The following EML6 variants were observed in gnomAD, a reference collection of about 807,000 sequenced individuals.
EML6 encodes the protein EMAP like 6.
In EML6, 154 loss-of-function variants were observed where a neutral mutation model predicts 240.1. The ratio of observed to expected loss-of-function variants is 0.64; its 90% CI spans 0.56 to 0.73. The LOEUF is 0.73. Ranked by LOEUF, EML6 falls within the 30% of genes least tolerant of loss-of-function variation. EML6 has a pLI of 0.00. For missense variants in EML6, 2,964 were observed against 2,474.6 expected, an observed-to-expected ratio of 1.20 and a Z score of -4.20; for synonymous variants, 1,148 against 899.0, an observed-to-expected ratio of 1.28 and a Z score of -4.95.
chr2:54,890,031 C>G (rs1434153291), intron 17 of EML6, among the ~76,000 whole-genome samples: 1 of 152,204 alleles, frequency 6.6e-6, no homozygotes, highest in Non-Finnish European at 1.5e-5. Flanking sequence ...GTCTAAATGA[C>G]AAGTCTGAAG....
chr2:54,934,967 C>T (rs1225778064), intron 28 of EML6, among the ~76,000 whole-genome samples: 2 of 152,220 alleles, frequency 1.3e-5, no homozygotes, highest in Admixed American at 1.3e-4. Context: ...ACTCTGCCCT[C>T]ATTTTTGGTG....
intron 26 of EML6, among the ~76,000 whole-genome samples, chr2:54,927,451 C>A (rs1558694386): frequency 6.6e-6 from 1 of 152,182 alleles, no homozygotes; most frequent in Non-Finnish European, 1.5e-5. Context: ...TGCATGTGGC[C>A]TTCCATATTC....
chr2:54,868,961 A>G, intron 14 of EML6: 1 of 464,504 alleles, frequency 2.2e-6, no homozygotes, highest in East Asian at 3.1e-5. Flanking sequence ...ATCTGCTAAC[A>G]GATTCTGTTA....
At chr2:54,889,750 T>C (rs6722684) in intron 17 of EML6, among the ~76,000 whole-genome samples, 3,331 of 152,334 alleles carry the variant, frequency 0.022, 112 homozygotes, top group African/African-American at 0.072. Flanking sequence ...ATTCCAGCTC[T>C]TGTGCCTTTT....
At chr2:54,888,285 C>T (rs1672265245) in intron 17 of EML6, among the ~76,000 whole-genome samples, 1 of 152,106 alleles carries the variant, frequency 6.6e-6, no homozygotes, top group South Asian at 2.1e-4. Flanking sequence ...TAATTTGGTC[C>T]CTGTTCCTTG....
chr2:54,850,044 G>T lies in EML6; in HGVS notation c.1270G>T (p.Ala424Ser). 6.4e-7 allele frequency: 1 copy of T among 1,551,976 alleles called. No individual in the cohort carries two copies. The highest frequency in any genetic ancestry group is 2.0e-5 in the Admixed American group (1 of 51,008). ...MKFSPDGSYLAVGSNDGPVDV... is the reference protein window; with the variant it reads ...MKFSPDGSYLSVGSNDGPVDV... ...ATTTTCTCCAGATGGTTCTTACCTT[G>T]CAGTGGGATCCAATGATGGCCCAGT... The change falls in exon 10 of 42, where the codon GCA becomes TCA. Residue 424 changes from alanine (A) to serine (S), a missense_variant. Ala to Ser is a moderately conservative substitution (Grantham distance 99). Transcript: ENST00000356458.
chr2:54,911,145 C>T (rs2304687), intron 25 of EML6, 103 bp downstream of exon 25: 49,912 of 585,900 alleles, frequency 0.085, 3,324 homozygotes, highest in East Asian at 0.22. Context: ...GTTATATTTA[C>T]TATACCTTTA....
chr2:54,758,422 T>C (rs909967612), intron 2 of EML6, among the ~76,000 whole-genome samples: 1 of 152,224 alleles, frequency 6.6e-6, no homozygotes, highest in Non-Finnish European at 1.5e-5. Flanking sequence ...GTTTCTCTTA[T>C]TTCTGGACCT....
intron 19 of EML6, among the ~76,000 whole-genome samples, chr2:54,893,208 T>C (rs1672570131): frequency 6.6e-6 from 1 of 152,188 alleles, no homozygotes; most frequent in South Asian, 2.1e-4. Context: ...CCTTGCAGTG[T>C]CCCTCTACAA....
At position 54,896,714 on chromosome 2, in the gene EML6, G is replaced by C. The variant is rs138063640; in HGVS notation, c.2982+1314G>C. On this transcript the variant is annotated intron_variant, in intron 21 of 41. Coordinates refer to ENST00000356458, the MANE Select transcript of EML6 (RefSeq NM_001039753.4). Reference sequence around the variant, plus strand: ...GATCTCTGAGTGATTGATGCCTGCAGGCTTGCTGTATTACGAGTGAATCCC... The same window carrying C: ...GATCTCTGAGTGATTGATGCCTGCACGCTTGCTGTATTACGAGTGAATCCC... Among the ~76,000 whole-genome samples the C allele has an allele frequency of 5.9e-5, 9 of 152,306 alleles. No individual in the cohort carries two copies. The South Asian group carries it at 6.2e-4, about 11-fold the overall frequency.
intron 2 of EML6, among the ~76,000 whole-genome samples, chr2:54,802,155 G>A (rs954793055): frequency 2.0e-5 from 3 of 152,126 alleles, no homozygotes; most frequent in Admixed American, 6.5e-5. Context: ...CTGCCCTCCT[G>A]TAGCTAACAT....
In EML6 at chr2:54,948,934, A is replaced by C; in HGVS notation, c.4057A>C (p.Ile1353Leu). ...GCCTGAGAAACTGCAGAAGAACAAT[A>C]TCACCAAAAAAAAGAAACTGGTTGA... ...PQPEKLQKNN[I>L]TKKKKLVEEL... The change falls in exon 29 of 42, where the codon ATC becomes CTC. Residue 1353 changes from isoleucine (I) to leucine (L), a missense_variant. Coordinates refer to ENST00000356458, the MANE Select transcript of EML6 (RefSeq NM_001039753.4). 1.3e-6 allele frequency: 2 copies of C among 1,551,492 alleles called. No homozygotes were observed. Among genetic ancestry groups the C allele is most frequent in the Non-Finnish European group, 1.7e-6 (2 of 1,146,892 alleles).
intron 28 of EML6, among the ~76,000 whole-genome samples, chr2:54,931,548 T>G (rs945668586): frequency 6.6e-6 from 1 of 152,200 alleles, no homozygotes; most frequent in Non-Finnish European, 1.5e-5. Context: ...CAGCTCCTGA[T>G]ACTGTTTTCT....
At chr2:54,827,449 T>C (rs973999757) in intron 5 of EML6, 117 bp from the exon 6 acceptor site, 5 of 806,388 alleles carry the variant, frequency 6.2e-6, no homozygotes, top group South Asian at 1.8e-5. Flanking sequence ...AATTAACTTA[T>C]TTGTGCCTAG....
At chr2:54,758,132 G>A (rs1039901365) in intron 2 of EML6, among the ~76,000 whole-genome samples, 1 of 148,624 alleles carries the variant, frequency 6.7e-6, no homozygotes, top group Non-Finnish European at 1.5e-5. Context: ...TTCTTACCAT[G>A]TGATATCTAC....
chr2:54,969,934 G>A, intron 41 of EML6, 137 bp from the exon 42 acceptor site: 1 of 868,760 alleles, frequency 1.2e-6, no homozygotes, highest in South Asian at 1.5e-5. Context: ...CAAGATCCCT[G>A]GTTTACCTTT....
chr2:54,862,529 C>T (rs1236726658), intron 12 of EML6, among the ~76,000 whole-genome samples: 2 of 151,738 alleles, frequency 1.3e-5, no homozygotes, highest in African/African-American at 2.4e-5. Flanking sequence ...AGCTTAGAGA[C>T]TTAGGGTGGT....
chr2:54,734,220 C>A (rs1683293025), intron 2 of EML6, among the ~76,000 whole-genome samples: 1 of 152,172 alleles, frequency 6.6e-6, no homozygotes, highest in African/African-American at 2.4e-5. Context: ...TGCCTGTAAT[C>A]CCAGCTACTC....
intron 14 of EML6, chr2:54,868,958 A>G: frequency 4.3e-6 from 2 of 461,376 alleles, no homozygotes; most frequent in South Asian, 5.6e-5. Context: ...AGGATCTGCT[A>G]ACAGATTCTG....
Sources: gnomAD v4.1 joint callset for allele counts (sites outside exome capture counted in the v4.1 genomes callset) on GRCh38, gnomAD v4.1.1 for gene constraint, MANE v1.5 for transcripts, NCBI Gene and HGNC (gene_info 2026-07-23, HGNC 2026-07-21) for gene names.